The following FAHD2A variants were observed in gnomAD, a reference collection of about 807,000 sequenced individuals.
FAHD2A encodes the protein fumarylacetoacetate hydrolase domain containing 2A, also known as oxaloacetate tautomerase FAHD2A, mitochondrial.
A neutral mutation model predicts 33.4 loss-of-function variants in FAHD2A; 27 were observed. The observed-to-expected ratio is 0.81, with a 90% CI of 0.60 to 1.11. FAHD2A has a LOEUF of 1.11. Ranked by LOEUF, FAHD2A falls within the 50% of genes most tolerant of loss-of-function variation. The pLI, the probability that FAHD2A is intolerant of heterozygous loss-of-function variation, is 0.00. For missense variants in FAHD2A, 296 were observed against 395.0 expected (o/e 0.75, Z 2.12); for synonymous variants, 130 against 153.3 (o/e 0.85, Z 1.12).
chr2:95,415,125 A>C lies in FAHD2A; in HGVS notation c.*2168A>C, dbSNP rs1683031919. 1 of 152,094 alleles carries C rather than the reference A, an allele frequency of 6.6e-6. No individual in the cohort carries two copies. The highest frequency in any genetic ancestry group is 2.1e-4 in the South Asian group (1 of 4,812). The allele number at this position is 152,094 out of a possible 1,614,324, so 9.4% of individuals were successfully genotyped here. On this transcript the variant is annotated 3_prime_UTR_variant, in exon 8 of 8. Coordinates refer to ENST00000233379, the MANE Select transcript of FAHD2A (RefSeq NM_016044.3). ...ATTTTTTGTCCCGAAGCCCCCAAAT[A>C]CTGCAACCCTGACCCAATGCACGAA...
In FAHD2A at chr2:95,415,892, C is replaced by A. The variant is rs1433423016; in HGVS notation, c.*2935C>A. 4 of 152,312 alleles carry A rather than the reference C, an allele frequency of 2.6e-5. No homozygotes were observed. The highest frequency in any genetic ancestry group is 1.3e-4 in the Admixed American group (2 of 15,290). The allele number at this position is 152,312 out of a possible 1,614,324, so 9.4% of individuals were successfully genotyped here. On this transcript the variant is annotated 3_prime_UTR_variant, in exon 8 of 8. Coordinates refer to ENST00000233379, the MANE Select transcript of FAHD2A (RefSeq NM_016044.3). ...TCTCTAAGCTAAAGCTCCTCGACTG[C>A]AGCATCAACAGATCAGTGCCGACCT...
Position 95,413,613 on chromosome 2 carries a change from G to A in FAHD2A, c.*656G>A. 1 of 1,490,280 alleles carries A rather than the reference G, an allele frequency of 6.7e-7. No homozygotes were observed. The highest frequency in any genetic ancestry group is 1.4e-5 in the South Asian group (1 of 72,868). The allele number at this position is 1,490,280 out of a possible 1,614,324, so 92.3% of individuals were successfully genotyped here. On this transcript the variant is annotated 3_prime_UTR_variant, in exon 8 of 8. Transcript: ENST00000233379. Reference sequence around the variant, plus strand: ...CGTGAGTGCACTCACCACAGGGACTGTGTCCACATGGCCCAGGGGCCAGGC... The same window carrying A: ...CGTGAGTGCACTCACCACAGGGACTATGTCCACATGGCCCAGGGGCCAGGC...
In FAHD2A at chr2:95,412,417, C is replaced by T. The variant is rs764389972; in HGVS notation, c.686-17C>T. 1.2e-6 allele frequency: 2 copies of T among 1,613,152 alleles called. No homozygotes were observed. Among genetic ancestry groups the T allele is most frequent in the Non-Finnish European group, 1.7e-6 (2 of 1,179,712 alleles). On this transcript the variant is annotated splice_polypyrimidine_tract_variant and intron_variant, in intron 5 of 7. Transcript: ENST00000233379. ...GGGGAAAAGGGATAACTCCAAGGTA[C>T]CATCTTTGCATTTCAGATCCACACA...
rs561194646 is a variant in FAHD2A at position 95,416,410 on chromosome 2, C to T, written c.*3453C>T. 1.3e-5 allele frequency: 2 copies of T among 152,272 alleles called. No individual in the cohort carries two copies. Among genetic ancestry groups the T allele is most frequent in the East Asian group, 3.9e-4 (2 of 5,174 alleles). The allele number at this position is 152,272 out of a possible 1,614,324, so 9.4% of individuals were successfully genotyped here. On this transcript the variant is annotated 3_prime_UTR_variant, in exon 8 of 8. Transcript: ENST00000233379. ...GTCCCCGGTCCCTTTGTGATTCCTG[C>T]AGCCTGTTGCCTCCTTGCCTGGACC...
At chr2:95,410,397 T>C (rs1200459242) in intron 3 of FAHD2A, 130 bp from the exon 4 acceptor site, 3 of 1,242,244 alleles carry the variant, frequency 2.4e-6, no homozygotes, top group African/African-American at 3.0e-5. Context: ...TTCGTGGTGA[T>C]GGCAAACATG....
Position 95,405,427 on chromosome 2 carries a change from C to G in FAHD2A, c.-6-126C>G. 2.1e-6 allele frequency: 3 copies of G among 1,409,612 alleles called. 1 individual carries two copies. The highest frequency in any genetic ancestry group is 2.9e-6 in the Non-Finnish European group (3 of 1,044,072). 87.3% of individuals were successfully genotyped at this position (1,409,612 alleles called of 1,614,324 possible). A position where few individuals can be genotyped will look rare whatever the true frequency, so the allele number is the denominator to read the frequency against. On this transcript the variant is annotated intron_variant, in intron 1 of 7. Coordinates refer to ENST00000233379, the MANE Select transcript of FAHD2A (RefSeq NM_016044.3). The stretch of plus-strand genomic sequence containing the variant: ...GGTAAAATACAAGCCTGGACCACTT[C>G]CCGTGTGGTATGCAGGGAACGGTTG...
At position 95,405,782 on chromosome 2, in the gene FAHD2A, CCACCCTCT is replaced by C; in HGVS notation, c.227_234del (p.Thr76SerfsTer29). The C allele has an allele frequency of 6.2e-7, 1 of 1,613,126 alleles. No homozygotes were observed. ...ACGCAGTTCCTAGAGCAGGGAGAGG[CCACCCTCT>C]CAGTGGCAAGAAGGTAAGTAAGTGG... On this transcript the variant is annotated frameshift_variant, in exon 2 of 8. Transcript: ENST00000233379. LOFTEE classifies it high-confidence loss of function.
At chr2:95,410,455 G>A (rs1682284294) in intron 3 of FAHD2A, 72 bp from the exon 4 acceptor site, 5 of 1,551,982 alleles carry the variant, frequency 3.2e-6, no homozygotes, top group Non-Finnish European at 4.4e-6. Context: ...CTTCAGCATG[G>A]TGTGCAGCCT....
intron 1 of FAHD2A, among the ~76,000 whole-genome samples, chr2:95,403,789 G>A (rs1246347517): frequency 2.0e-5 from 3 of 152,208 alleles, no homozygotes; most frequent in Admixed American, 1.3e-4. Flanking sequence ...TGTAAAATGA[G>A]GCTAACAGTA....
At chr2:95,408,767 A>G (rs1331998367) in intron 3 of FAHD2A, among the ~76,000 whole-genome samples, 1 of 152,222 alleles carries the variant, frequency 6.6e-6, no homozygotes, top group African/African-American at 2.4e-5. Flanking sequence ...AAACCATATC[A>G]AGGGCCAATT....
At chr2:95,420,027 G>A (rs3967706), downstream of FAHD2A, among the ~76,000 whole-genome samples, 982 of 152,112 alleles carry the variant, frequency 6.5e-3, 51 homozygotes, top group Admixed American at 0.056. Flanking sequence ...CCAGTTCAAA[G>A]GTAGAAGACT....
chr2:95,411,095 TG>T (rs1228611963), intron 5 of FAHD2A, 69 bp downstream of exon 5: 153 of 1,587,954 alleles, frequency 9.6e-5, no homozygotes, highest in Non-Finnish European at 1.3e-4. Flanking sequence ...GGGAGGAGCA[TG>T]GGTTCAGGTA....
chr2:95,405,594 T>G lies in FAHD2A; in HGVS notation c.36T>G (p.Val12=). The stretch of plus-strand genomic sequence containing the variant: ...CTGGTAGAAGAAGGTTACTCACAGT[T>G]CTGCTGCAGGCTCAGAAGTGGCCCT... The part of the protein sequence containing the change: ...LVSGRRRLLT[V]LLQAQKWPFQ... Residue 12 remains valine, a synonymous_variant, in exon 2 of 8, where the codon GTT becomes GTG. Coordinates refer to ENST00000233379, the MANE Select transcript of FAHD2A (RefSeq NM_016044.3). 6.2e-7 allele frequency: 1 copy of G among 1,613,934 alleles called. No homozygotes were observed. The highest frequency in any genetic ancestry group is 8.5e-7 in the Non-Finnish European group (1 of 1,179,844).
At chr2:95,411,062 T>C (rs1217783367) in intron 5 of FAHD2A, 36 bp downstream of exon 5, 2 of 1,611,556 alleles carry the variant, frequency 1.2e-6, no homozygotes, top group Non-Finnish European at 1.7e-6. Flanking sequence ...ATACCTACCA[T>C]TGCACAGATG....
intron 5 of FAHD2A, 122 bp downstream of exon 5, chr2:95,411,148 C>A: frequency 6.8e-7 from 1 of 1,465,792 alleles, no homozygotes; most frequent in Non-Finnish European, 9.2e-7. Context: ...TCACTGCTGA[C>A]TCCATACAGG....
chr2:95,417,288 A>C (rs1683237732), downstream of FAHD2A, among the ~76,000 whole-genome samples: 1 of 152,210 alleles, frequency 6.6e-6, no homozygotes, highest in Non-Finnish European at 1.5e-5. Flanking sequence ...CTGGCTAGGC[A>C]GGGAATGAAG....
At chr2:95,420,101 T>C (rs1683294148), downstream of FAHD2A, among the ~76,000 whole-genome samples, 1 of 152,096 alleles carries the variant, frequency 6.6e-6, no homozygotes, top group South Asian at 2.1e-4. Context: ...TTTTGTTCTA[T>C]TCAGGCCCTC....
At chr2:95,411,436 C>T (rs1211613553) in intron 5 of FAHD2A, among the ~76,000 whole-genome samples, 1 of 152,264 alleles carries the variant, frequency 6.6e-6, no homozygotes, top group African/African-American at 2.4e-5. Context: ...TAGAACAGCA[C>T]TGACCACACA....
Position 95,414,265 on chromosome 2 carries a change from TG to T in FAHD2A, c.*1311del. On this transcript the variant is annotated 3_prime_UTR_variant, in exon 8 of 8. Transcript: ENST00000233379. ...GGACTCACCAAAGATCCCTTCTTCC[TG>T]GGCGGTGGCCTGCAGGAACTGGAAC... The T allele has an allele frequency of 3.8e-6, 6 of 1,579,008 alleles. No homozygotes were observed. In the South Asian group the frequency reaches 6.7e-5, roughly 18 times the overall value.
Sources: gnomAD v4.1 joint callset for allele counts (sites outside exome capture counted in the v4.1 genomes callset) on GRCh38, gnomAD v4.1.1 for gene constraint, MANE v1.5 for transcripts, NCBI Gene and HGNC (gene_info 2026-07-23, HGNC 2026-07-21) for gene names.